The following COLEC12 variants were observed in gnomAD, a reference collection of about 807,000 sequenced individuals.
COLEC12 encodes the protein collectin subfamily member 12.
Under a neutral mutation model 71.1 loss-of-function variants are expected in COLEC12, and 33 were observed. The observed-to-expected ratio is 0.46, with a 90% confidence interval of 0.35 to 0.62. The LOEUF is 0.62. Ranked by LOEUF, COLEC12 falls within the 20% of genes least tolerant of loss-of-function variation. The probability of loss-of-function intolerance (pLI) is 0.00; values close to 1 mark genes in which losing one functional copy is unlikely to be tolerated. For missense variants in COLEC12, 765 were observed against 916.1 expected (o/e 0.84, Z 2.13); for synonymous variants, 350 against 353.0 (o/e 0.99, Z 0.10).
intron 2 of COLEC12, among the ~76,000 whole-genome samples, chr18:385,079 G>C (rs758914220): frequency 2.0e-5 from 3 of 152,164 alleles, no homozygotes; most frequent in Non-Finnish European, 4.4e-5. Flanking sequence ...GGTTGTCCAA[G>C]TTAATTATCC....
In COLEC12 at chr18:382,644, T is replaced by C. The variant is rs73356550; in HGVS notation, c.59-25122A>G. Among the ~76,000 whole-genome samples, 615 of 152,318 alleles carry C rather than the reference T, an allele frequency of 4.0e-3. 6 individuals carry two copies. The highest frequency in any genetic ancestry group is 0.014 in the African/African-American group (593 of 41,572). Reference sequence around the variant, plus strand: ...AGCCCTGGTTTCTTAATGTGTAGTATGGGCATCATTACAGCCACATTATAG... The same window carrying C: ...AGCCCTGGTTTCTTAATGTGTAGTACGGGCATCATTACAGCCACATTATAG... On this transcript the variant is annotated intron_variant, in intron 2 of 9. Transcript: ENST00000400256.
chr18:363,964 T>C lies in COLEC12; in HGVS notation c.59-6442A>G, dbSNP rs1250451169. On this transcript the variant is annotated intron_variant, in intron 2 of 9. Transcript: ENST00000400256. ...AAATGAAATCACTTTCTGTGCAAAA[T>C]AAGTGAAGCCTCACAGCAGCTCTGT... 2.0e-5 allele frequency among the ~76,000 whole-genome samples: 3 copies of C among 152,284 alleles called. No individual in the cohort carries two copies. The East Asian group carries it at 5.8e-4, about 29-fold the overall frequency.
chr18:492,537 A>G (rs972462563), intron 1 of COLEC12, among the ~76,000 whole-genome samples: 1 of 152,138 alleles, frequency 6.6e-6, no homozygotes, highest in African/African-American at 2.4e-5. Context: ...CCTTTCTTCT[A>G]TGAGGAAAAT....
chr18:480,876 T>A lies in COLEC12; in HGVS notation c.8-119A>T. 1 of 890,540 alleles carries A rather than the reference T, an allele frequency of 1.1e-6. No individual in the cohort carries two copies. Among genetic ancestry groups the A allele is most frequent in the South Asian group, 1.3e-5 (1 of 74,552 alleles). 55.2% of individuals were successfully genotyped at this position (890,540 alleles called of 1,614,324 possible). A position where few individuals can be genotyped will look rare whatever the true frequency, so the allele number is the denominator to read the frequency against. On this transcript the variant is annotated intron_variant, in intron 1 of 9. Coordinates refer to ENST00000400256, the MANE Select transcript of COLEC12 (RefSeq NM_130386.3). This position sits in a 1 kb window ranked among gnomAD's most constrained non-coding sequence, Gnocchi z 4.1. ...GTCACAGCAGCTTTCCTTCTGCTCG[T>A]GGATCGCACCAGGCTTTCTGGAAGA...
Position 473,773 on chromosome 18 carries a change from G to A in COLEC12, c.58+6934C>T, listed in dbSNP as rs529609150. ...CTCTACCCCTCAACAACAAACACTG[G>A]AAACAACCTAAATGTCTTCATGCTG... On this transcript the variant is annotated intron_variant, in intron 2 of 9. Transcript: ENST00000400256. 3.3e-5 allele frequency among the ~76,000 whole-genome samples: 5 copies of A among 152,296 alleles called. No homozygotes were observed. The South Asian group carries it at 1.0e-3, about 32-fold the overall frequency.
rs781324534 is a variant in COLEC12 at position 327,502 on chromosome 18, G to A, written c.2063+4166C>T. On this transcript the variant is annotated intron_variant, in intron 8 of 9. Coordinates refer to ENST00000400256, the MANE Select transcript of COLEC12 (RefSeq NM_130386.3). This position sits in a 1 kb window ranked among gnomAD's most constrained non-coding sequence, Gnocchi z 4.0. ...CAGAAAGAGCCATAAGATTCAGCAA[G>A]TCAGGTTGAGTGTTTCATGGGAAAT... Among the ~76,000 whole-genome samples, 35 of 152,328 alleles carry A rather than the reference G, an allele frequency of 2.3e-4. No homozygotes were observed. The highest frequency in any genetic ancestry group is 5.2e-4 in the Admixed American group (8 of 15,304).
At position 348,161 on chromosome 18, in the gene COLEC12, C is replaced by T. The variant is rs374230629; in HGVS notation, c.184G>A (p.Val62Ile). ...ITVAILGYKV[V>I]EKMDNVTGGM... is the part of the protein sequence containing the mutation. ...CCTGTGACATTGTCCATTTTCTCTA[C>T]AACTAAGATTTGGAAAATGATGCAT... is the stretch of plus-strand genomic sequence containing the variant. The change falls in exon 4 of 10, where the codon GTA becomes ATA. Residue 62 changes from valine (V) to isoleucine (I), a missense_variant and splice_region_variant. Physicochemically the swap from Val to Ile is conservative, Grantham distance 29. Transcript: ENST00000400256. The T allele has an allele frequency of 2.0e-4, 317 of 1,608,018 alleles. No homozygotes were observed. Among genetic ancestry groups the T allele is most frequent in the Non-Finnish European group, 2.7e-4 (312 of 1,174,786 alleles).
At chr18:432,087 A>C (rs1206050169) in intron 2 of COLEC12, among the ~76,000 whole-genome samples, 5 of 152,162 alleles carry the variant, frequency 3.3e-5, no homozygotes, top group African/African-American at 1.2e-4. Flanking sequence ...ATACGCCATC[A>C]CATCTTCTCC....
intron 2 of COLEC12, among the ~76,000 whole-genome samples, chr18:359,447 C>G (rs539101805): frequency 6.6e-6 from 1 of 152,096 alleles, no homozygotes; most frequent in Admixed American, 6.6e-5. Context: ...CAGACAGTGA[C>G]CCTTATATTA....
chr18:430,914 T>C (rs1916290173), intron 2 of COLEC12, among the ~76,000 whole-genome samples: 1 of 152,260 alleles, frequency 6.6e-6, no homozygotes, highest in Non-Finnish European at 1.5e-5. Flanking sequence ...ATTTTACTTG[T>C]AAAATCAATG....
In COLEC12 at chr18:346,204, T is replaced by C; in HGVS notation, c.1327+91A>G. 1.1e-6 allele frequency: 1 copy of C among 932,702 alleles called. No homozygotes were observed. Among genetic ancestry groups the C allele is most frequent in the Non-Finnish European group, 1.6e-6 (1 of 618,258 alleles). 57.8% of individuals were successfully genotyped at this position (932,702 alleles called of 1,614,324 possible). A position where few individuals can be genotyped will look rare whatever the true frequency, so the allele number is the denominator to read the frequency against. ...TCCACAAAAACTATGAGATGATGAA[T>C]ATTTATTGTTTTAAATTGCCAAGTT... is the stretch of plus-strand genomic sequence containing the variant. On this transcript the variant is annotated intron_variant, in intron 5 of 9. Transcript: ENST00000400256. The surrounding 1 kb of genome is among the most constrained non-coding windows in gnomAD (Gnocchi z 4.0).
At chr18:441,491 C>T (rs2143695403) in intron 2 of COLEC12, among the ~76,000 whole-genome samples, 1 of 152,192 alleles carries the variant, frequency 6.6e-6, no homozygotes, top group East Asian at 1.9e-4. Context: ...CAGACACAGC[C>T]TTGTACTGTG....
At chr18:478,277 A>G (rs1448337274) in intron 2 of COLEC12, among the ~76,000 whole-genome samples, 1 of 152,148 alleles carries the variant, frequency 6.6e-6, no homozygotes, top group Admixed American at 6.5e-5. Flanking sequence ...GACTTAATCT[A>G]TCTGGGCCTC....
chr18:491,963 C>A (rs1776693471), intron 1 of COLEC12, among the ~76,000 whole-genome samples: 1 of 152,102 alleles, frequency 6.6e-6, no homozygotes, highest in African/African-American at 2.4e-5. Context: ...ATTATGTATT[C>A]TCCTGGTGAA....
chr18:390,987 C>T (rs552336550), intron 2 of COLEC12, among the ~76,000 whole-genome samples: 2 of 152,162 alleles, frequency 1.3e-5, no homozygotes, highest in African/African-American at 4.8e-5. Flanking sequence ...CAGCTGTGGG[C>T]AGCTGTGTGC....
chr18:360,301 G>T (rs1000489290), intron 2 of COLEC12, among the ~76,000 whole-genome samples: 4 of 151,724 alleles, frequency 2.6e-5, no homozygotes, highest in Non-Finnish European at 5.9e-5. Flanking sequence ...TCCTGCCTCA[G>T]CCTCCCGAGT....
intron 2 of COLEC12, among the ~76,000 whole-genome samples, chr18:410,433 G>A (rs1034865830): frequency 1.3e-5 from 2 of 149,052 alleles, no homozygotes; most frequent in African/African-American, 5.0e-5. Context: ...ACATGGCTGA[G>A]TTGTTCTTCT....
intron 6 of COLEC12, 67 bp from the exon 7 acceptor site, chr18:333,210 G>T: frequency 7.2e-7 from 1 of 1,398,084 alleles, no homozygotes; most frequent in Non-Finnish European, 9.8e-7. Context: ...TTCTTCAGCT[G>T]TGTTTCAGAG....
intron 8 of COLEC12, among the ~76,000 whole-genome samples, chr18:325,101 G>A (rs1913804728): frequency 6.6e-6 from 1 of 152,194 alleles, no homozygotes; most frequent in Admixed American, 6.5e-5. Context: ...ACTAAAGTAG[G>A]AGGATCACTT....
Sources: gnomAD v4.1 joint callset for allele counts (sites outside exome capture counted in the v4.1 genomes callset) on GRCh38, gnomAD v4.1.1 for gene constraint, Gnocchi (gnomAD v3.1) non-coding constraint, MANE v1.5 for transcripts, NCBI Gene and HGNC (gene_info 2026-07-23, HGNC 2026-07-21) for gene names.